Variants in PDE4D observed in about 807,000 individuals in gnomAD.
The protein encoded by PDE4D is 3',5'-cyclic-AMP phosphodiesterase 4D.
A neutral mutation model predicts 87.4 loss-of-function variants in PDE4D; 24 were observed. The ratio of observed to expected loss-of-function variants is 0.27; its 90% CI spans 0.20 to 0.39. The LOEUF is 0.39. Among genes scored for constraint, PDE4D ranks in the 10% least tolerant of loss-of-function variants. The pLI is 1.00. For missense variants in PDE4D, 714 were observed against 1,041.0 expected, an observed-to-expected ratio of 0.69 and a Z score of 4.32; for synonymous variants, 384 against 383.2, an observed-to-expected ratio of 1.00 and a Z score of -0.02.
chr5:59,020,586 T>C (rs1754963465), intron 6 of PDE4D, among the ~76,000 whole-genome samples: 1 of 152,170 alleles, frequency 6.6e-6, no homozygotes, highest in African/African-American at 2.4e-5. Context: ...CAAAATAACT[T>C]TTCTGTGCTT....
intron 1 of PDE4D, among the ~76,000 whole-genome samples, chr5:59,518,204 T>A (rs990693324): frequency 1.3e-5 from 2 of 151,818 alleles, no homozygotes; most frequent in Admixed American, 6.6e-5. Context: ...TGTGTGTGTG[T>A]GTGTGTGTGT....
At chr5:60,223,331 T>C (rs1484129494) in intron 1 of PDE4D, among the ~76,000 whole-genome samples, 2 of 152,168 alleles carry the variant, frequency 1.3e-5, no homozygotes, top group Non-Finnish European at 2.9e-5. Flanking sequence ...ACTTGTGGAA[T>C]GGTCACATTA....
chr5:60,103,633 A>T (rs1776493274), intron 2 of PDE4D, among the ~76,000 whole-genome samples: 2 of 152,166 alleles, frequency 1.3e-5, no homozygotes, highest in African/African-American at 4.8e-5. Flanking sequence ...AGCTCCATGG[A>T]AAAAAATAAA....
intron 1 of PDE4D, 39 bp from the exon 2 acceptor site, chr5:59,216,007 T>C (rs767402388): frequency 1.4e-6 from 2 of 1,427,482 alleles, no homozygotes; most frequent in South Asian, 2.5e-5. Context: ...GCTGTGAACA[T>C]TCACATGTTC....
At chr5:59,420,990 T>C (rs1035121497) in intron 1 of PDE4D, among the ~76,000 whole-genome samples, 5 of 152,158 alleles carry the variant, frequency 3.3e-5, no homozygotes, top group Admixed American at 1.3e-4. Flanking sequence ...TCCGTACGCG[T>C]ATGTGTTTGT....
chr5:59,822,976 C>G (rs768630152), intron 1 of PDE4D, among the ~76,000 whole-genome samples: 1 of 152,208 alleles, frequency 6.6e-6, no homozygotes, highest in Non-Finnish European at 1.5e-5. Context: ...ATGGTCTTGT[C>G]ACGTAAAAGA....
intron 1 of PDE4D, among the ~76,000 whole-genome samples, chr5:59,256,315 G>T (rs1206221150): frequency 6.6e-6 from 1 of 151,978 alleles, no homozygotes; most frequent in Non-Finnish European, 1.5e-5. Context: ...AAACCAAATG[G>T]TTTATTCTAT....
chr5:59,018,082 G>A (rs1458652044), intron 6 of PDE4D, among the ~76,000 whole-genome samples: 2 of 152,210 alleles, frequency 1.3e-5, no homozygotes, highest in Admixed American at 6.5e-5. Context: ...GCAGTGTCAT[G>A]TGTCAGGAGC....
At chr5:59,840,903 G>T (rs763517180) in intron 1 of PDE4D, among the ~76,000 whole-genome samples, 2 of 152,070 alleles carry the variant, frequency 1.3e-5, no homozygotes, top group Admixed American at 6.6e-5. Flanking sequence ...AGAGAAAATT[G>T]ATTCTTGAAG....
intron 1 of PDE4D, among the ~76,000 whole-genome samples, chr5:59,637,408 A>C (rs1011799398): frequency 2.6e-5 from 4 of 152,122 alleles, no homozygotes; most frequent in African/African-American, 9.7e-5. Flanking sequence ...TATAATCCCA[A>C]AGGATTATAA....
chr5:59,838,318 A>G (rs915389855), intron 1 of PDE4D, among the ~76,000 whole-genome samples: 1 of 152,022 alleles, frequency 6.6e-6, no homozygotes, highest in Non-Finnish European at 1.5e-5. Flanking sequence ...CTTCTTACCT[A>G]ACAAAGAAGA....
chr5:60,194,764 C>G (rs528560493), intron 1 of PDE4D, among the ~76,000 whole-genome samples: 3 of 151,608 alleles, frequency 2.0e-5, no homozygotes, highest in African/African-American at 7.3e-5. Flanking sequence ...GGGTCTACCA[C>G]TACCACAGTC....
At chr5:60,175,990 A>T (rs1262199880) in intron 2 of PDE4D, among the ~76,000 whole-genome samples, 1 of 152,044 alleles carries the variant, frequency 6.6e-6, no homozygotes, top group Admixed American at 6.5e-5. Flanking sequence ...GATTTTTGCT[A>T]TTCTCTTTGC....
At chr5:59,813,028 G>T (rs577683092) in intron 1 of PDE4D, among the ~76,000 whole-genome samples, 2 of 152,288 alleles carry the variant, frequency 1.3e-5, no homozygotes, top group African/African-American at 4.8e-5. Context: ...TCTATACCTG[G>T]AAGACTTGCT....
intron 1 of PDE4D, among the ~76,000 whole-genome samples, chr5:59,411,867 A>G (rs1014561499): frequency 6.6e-6 from 1 of 152,230 alleles, no homozygotes; most frequent in Non-Finnish European, 1.5e-5. Flanking sequence ...AGTATTCTCT[A>G]TCCTTTTACT....
chr5:60,221,436 A>C (rs1178373516), intron 1 of PDE4D, among the ~76,000 whole-genome samples: 1 of 151,438 alleles, frequency 6.6e-6, no homozygotes, highest in Non-Finnish European at 1.5e-5. Context: ...TTTCTCTCTT[A>C]TCAATTATAT....
intron 1 of PDE4D, among the ~76,000 whole-genome samples, chr5:60,333,271 A>T (rs1415215325): frequency 2.6e-5 from 4 of 152,198 alleles, no homozygotes; most frequent in African/African-American, 9.7e-5. Flanking sequence ...CTTAAAATAT[A>T]TTAAAGATGA....
At chr5:59,994,291 ATG>A (rs202112500) in intron 2 of PDE4D, among the ~76,000 whole-genome samples, 9 of 150,626 alleles carry the variant, frequency 6.0e-5, no homozygotes, top group Admixed American at 6.6e-5. Context: ...TCCCCTTAAG[ATG>A]TGTGTGTGTG....
At chr5:60,125,903 T>C (rs1184154804) in intron 2 of PDE4D, among the ~76,000 whole-genome samples, 2 of 152,308 alleles carry the variant, frequency 1.3e-5, no homozygotes, top group Admixed American at 1.3e-4. Flanking sequence ...TTAAAGACCG[T>C]CTTCCTAAAT....
Sources: allele counts gnomAD v4.1 joint callset (sites outside exome capture counted in the v4.1 genomes callset), GRCh38; gene constraint gnomAD v4.1.1; transcripts MANE v1.5; gene names NCBI Gene and HGNC (gene_info 2026-07-23, HGNC 2026-07-21).